GRM7: variants seen among roughly 807,000 people sequenced by gnomAD.
GRM7 encodes glutamate metabotropic receptor 7, also known as metabotropic glutamate receptor 7.
GRM7 carries 35 observed loss-of-function variants against 84.5 expected under a neutral mutation model. The observed-to-expected ratio is 0.41, with a 90% confidence interval of 0.32 to 0.55. The LOEUF (loss-of-function observed/expected upper bound fraction) is 0.55. Ranked by LOEUF, GRM7 falls within the 20% of genes least tolerant of loss-of-function variation. GRM7 has a pLI of 0.19. For synonymous variants in GRM7, 487 were observed against 455.1 expected, an observed-to-expected ratio of 1.07 and a Z score of -0.89; for missense variants, 1,003 against 1,194.6, an observed-to-expected ratio of 0.84 and a Z score of 2.36.
intron 8 of GRM7, among the ~76,000 whole-genome samples, chr3:7,608,593 C>G (rs1042304008): frequency 6.6e-6 from 1 of 151,808 alleles, no homozygotes; most frequent in Non-Finnish European, 1.5e-5. Context: ...AATTTAAGTT[C>G]CTTGTAGGAG....
chr3:7,167,700 G>T lies in GRM7; in HGVS notation c.736+21032G>T, dbSNP rs549091238. ...AAAAAAGAATGCAGGCCGGGCACGG[G>T]GGCTCACGCCTGTAATCCCAGCTCT... is the stretch of plus-strand genomic sequence containing the variant. On this transcript the variant is annotated intron_variant, in intron 2 of 9. Coordinates refer to ENST00000357716, the MANE Select transcript of GRM7 (RefSeq NM_000844.4). Among the ~76,000 whole-genome samples, 36 of 152,038 alleles carry T rather than the reference G, an allele frequency of 2.4e-4. No individual in the cohort carries two copies. In the East Asian group the frequency reaches 5.0e-3, roughly 21 times the overall value.
At chr3:7,174,928 A>G (rs543057153) in intron 2 of GRM7, among the ~76,000 whole-genome samples, 24 of 152,320 alleles carry the variant, frequency 1.6e-4, no homozygotes, top group African/African-American at 5.5e-4. Context: ...GAGAATGACA[A>G]TAGCAGCTAA....
chr3:7,272,307 C>G (rs1236169198), intron 2 of GRM7, among the ~76,000 whole-genome samples: 1 of 152,104 alleles, frequency 6.6e-6, no homozygotes, highest in Non-Finnish European at 1.5e-5. Flanking sequence ...GTAACTGAGG[C>G]TTATAACACT....
At chr3:7,095,728 TA>T (rs542989527) in intron 1 of GRM7, among the ~76,000 whole-genome samples, 454 of 152,204 alleles carry the variant, frequency 3.0e-3, no homozygotes, top group African/African-American at 0.01. Context: ...TATTTTGTTC[TA>T]AAAAAATTAT....
intron 1 of GRM7, among the ~76,000 whole-genome samples, chr3:6,993,649 A>T (rs1157297188): frequency 6.6e-6 from 1 of 152,146 alleles, no homozygotes; most frequent in Non-Finnish European, 1.5e-5. Context: ...GGTGGTAGAG[A>T]CTCTATTCAG....
chr3:7,142,529 A>G (rs1013181399), intron 1 of GRM7, among the ~76,000 whole-genome samples: 5 of 151,862 alleles, frequency 3.3e-5, no homozygotes, highest in African/African-American at 1.2e-4. Flanking sequence ...CTATCACAAG[A>G]AGAGGGTGAG....
chr3:7,637,622 G>A (rs1698158897), intron 8 of GRM7, among the ~76,000 whole-genome samples: 1 of 152,218 alleles, frequency 6.6e-6, no homozygotes, highest in African/African-American at 2.4e-5. Context: ...AGGCACACCT[G>A]TTTGAAACAT....
intron 7 of GRM7, among the ~76,000 whole-genome samples, chr3:7,490,775 ACT>A (rs1285642699): frequency 3.3e-5 from 5 of 152,272 alleles, no homozygotes; most frequent in African/African-American, 1.2e-4. Context: ...ATATGATAAG[ACT>A]CAATATATCT....
In GRM7 at chr3:7,188,137, AG is replaced by A; in HGVS notation, c.736+41472del. Among the ~76,000 whole-genome samples the A allele has an allele frequency of 6.6e-6, 1 of 152,226 alleles. No homozygotes were observed. Among genetic ancestry groups the A allele is most frequent in the East Asian group, 1.9e-4 (1 of 5,170 alleles). On this transcript the variant is annotated intron_variant, in intron 2 of 9. Transcript: ENST00000357716. This position sits in a 1 kb window ranked among gnomAD's most constrained non-coding sequence, Gnocchi z 4.2. ...TTATACTTGGGCAGGAGGACAGAGA[AG>A]GGCTATGACGTGAGAAAGGGACCTG...
At chr3:7,562,748 G>C (rs1282158108) in intron 7 of GRM7, among the ~76,000 whole-genome samples, 1 of 152,086 alleles carries the variant, frequency 6.6e-6, no homozygotes, top group African/African-American at 2.4e-5. Context: ...GAAAGCACTA[G>C]ATTAAATCAA....
intron 1 of GRM7, among the ~76,000 whole-genome samples, chr3:6,959,375 C>T (rs1284166714): frequency 6.6e-6 from 1 of 151,438 alleles, no homozygotes; most frequent in East Asian, 1.9e-4. Context: ...ATTTTTTTTC[C>T]TTCAAATTTG....
At chr3:7,204,710 C>A (rs369650014) in intron 2 of GRM7, among the ~76,000 whole-genome samples, 1 of 152,222 alleles carries the variant, frequency 6.6e-6, no homozygotes, top group Non-Finnish European at 1.5e-5. Context: ...CTGACTTCCC[C>A]ATTGGGACTG....
intron 1 of GRM7, among the ~76,000 whole-genome samples, chr3:6,907,560 A>G (rs1696625256): frequency 6.6e-6 from 1 of 152,224 alleles, no homozygotes; most frequent in Non-Finnish European, 1.5e-5. Flanking sequence ...GAACCTGAAA[A>G]TCATAAATCA....
intron 9 of GRM7, chr3:7,691,028 C>G (rs998670083): frequency 3.1e-6 from 1 of 319,976 alleles, no homozygotes; most frequent in Non-Finnish European, 5.7e-6. Context: ...AGATGTATCT[C>G]AACTTTGCAG....
At chr3:7,511,969 C>T (rs536676556) in intron 7 of GRM7, among the ~76,000 whole-genome samples, 16 of 152,032 alleles carry the variant, frequency 1.1e-4, no homozygotes, top group Non-Finnish European at 1.9e-4. Context: ...TAGTGAGACA[C>T]TGTCTCCACA....
At chr3:7,329,023 C>A (rs1043119141) in intron 4 of GRM7, among the ~76,000 whole-genome samples, 1 of 152,002 alleles carries the variant, frequency 6.6e-6, no homozygotes, top group Non-Finnish European at 1.5e-5. Flanking sequence ...TAAATAAAAG[C>A]AAATCTCAGC....
chr3:7,643,035 C>T (rs552453213), intron 8 of GRM7, among the ~76,000 whole-genome samples: 5 of 152,212 alleles, frequency 3.3e-5, no homozygotes, highest in East Asian at 1.9e-4. Context: ...GTCCTTAAGA[C>T]GGGGCTTTTT....
At chr3:7,174,121 G>A (rs57470042) in intron 2 of GRM7, among the ~76,000 whole-genome samples, 1 of 152,248 alleles carries the variant, frequency 6.6e-6, no homozygotes, top group East Asian at 1.9e-4. Flanking sequence ...AAGACTAGGG[G>A]TGGGAGTATG....
At chr3:7,227,268 A>G (rs55993108) in intron 2 of GRM7, among the ~76,000 whole-genome samples, 2,442 of 152,312 alleles carry the variant, frequency 0.016, 60 homozygotes, top group African/African-American at 0.056. Context: ...CAAGAAGTTC[A>G]TAGTTTAGGC....
Sources: allele counts gnomAD v4.1 joint callset (sites outside exome capture counted in the v4.1 genomes callset), GRCh38; gene constraint gnomAD v4.1.1; non-coding constraint Gnocchi (gnomAD v3.1); transcripts MANE v1.5; gene names NCBI Gene and HGNC (gene_info 2026-07-23, HGNC 2026-07-21).